NPAS3: variants seen among roughly 807,000 people sequenced by gnomAD.
NPAS3 encodes neuronal PAS domain-containing protein 3.
NPAS3 carries 14 observed loss-of-function variants against 73.1 expected under a neutral mutation model. The observed-to-expected ratio is 0.19, with a 90% confidence interval of 0.13 to 0.30. NPAS3 has a LOEUF of 0.30. Among genes scored for constraint, NPAS3 ranks in the 10% least tolerant of loss-of-function variants. NPAS3 has a pLI of 1.00. For synonymous variants in NPAS3, 620 were observed against 541.5 expected (o/e 1.14, Z -2.01); for missense variants, 1,096 against 1,250.0 (o/e 0.88, Z 1.86).
intron 3 of NPAS3, among the ~76,000 whole-genome samples, chr14:33,280,453 G>A (rs2041550996): frequency 1.3e-5 from 2 of 152,176 alleles, no homozygotes; most frequent in South Asian, 2.1e-4. Flanking sequence ...CAGATGATGA[G>A]CCTCGGAAGA....
intron 3 of NPAS3, among the ~76,000 whole-genome samples, chr14:33,295,584 G>A (rs1241635952): frequency 6.6e-6 from 1 of 152,190 alleles, no homozygotes; most frequent in Non-Finnish European, 1.5e-5. Flanking sequence ...AATAAGTGTA[G>A]GCTCACTTGC....
chr14:33,463,787 C>T lies in NPAS3; in HGVS notation c.469-96334C>T, dbSNP rs544230542. On this transcript the variant is annotated intron_variant, in intron 4 of 11. Coordinates refer to ENST00000356141, the Ensembl canonical transcript of NPAS3. Reference sequence around the variant, plus strand: ...AGTGGAATAATTGATATTTCAGTCTCTCAAGGAGTTAAATTGTGTTGCACT... The same window carrying T: ...AGTGGAATAATTGATATTTCAGTCTTTCAAGGAGTTAAATTGTGTTGCACT... Among the ~76,000 whole-genome samples, 4 of 152,300 alleles carry T rather than the reference C, an allele frequency of 2.6e-5. No homozygotes were observed. In the Middle Eastern group the frequency reaches 0.01, roughly 389 times the overall value.
chr14:33,800,226 C>T lies in NPAS3; in HGVS notation c.1919C>T (p.Pro640Leu), dbSNP rs377100713. ...GAGCCCCCGCGGCTGCTGTCCTCCC[C>T]CAACAGTGCCTCGGTGCTCAAGATC... Residue 640 changes from proline (P) to leucine (L), a missense_variant, in exon 12 of 12, where the codon CCC becomes CTC. Physicochemically the swap from Pro to Leu is moderately conservative, Grantham distance 98. This residue lies in a region of NPAS3 where 698 missense variants were observed against 676.7 expected (regional missense o/e 1.03). Transcript: ENST00000356141. This position sits in a 1 kb window ranked among gnomAD's most constrained non-coding sequence, Gnocchi z 6.5. 8 of 1,612,924 alleles carry T rather than the reference C, an allele frequency of 5.0e-6. No individual in the cohort carries two copies. Among genetic ancestry groups the T allele is most frequent in the Non-Finnish European group, 6.8e-6 (8 of 1,179,642 alleles).
intron 7 of NPAS3, among the ~76,000 whole-genome samples, chr14:33,770,576 GA>G (rs1439716473): frequency 7.9e-5 from 12 of 152,136 alleles, no homozygotes; most frequent in Admixed American, 7.9e-4. Flanking sequence ...ATGTGTCTTA[GA>G]AACTAAAGAA....
At chr14:33,489,890 C>G (rs1306078213) in intron 4 of NPAS3, among the ~76,000 whole-genome samples, 1 of 152,110 alleles carries the variant, frequency 6.6e-6, no homozygotes. Flanking sequence ...CATTGTTGAT[C>G]TGCTTTTTAT....
At chr14:33,265,417 C>T (rs756413594) in intron 3 of NPAS3, among the ~76,000 whole-genome samples, 3 of 152,066 alleles carry the variant, frequency 2.0e-5, no homozygotes, top group Non-Finnish European at 4.4e-5. Flanking sequence ...ATTTTTTCTC[C>T]CTATGGATTT....
At chr14:33,018,811 T>C (rs922205814) in intron 1 of NPAS3, among the ~76,000 whole-genome samples, 2 of 152,160 alleles carry the variant, frequency 1.3e-5, no homozygotes, top group African/African-American at 4.8e-5. Flanking sequence ...CTTCCCTTAT[T>C]GAAGGGAAAT....
chr14:33,667,783 G>A (rs76929150), intron 5 of NPAS3, among the ~76,000 whole-genome samples: 12,794 of 152,174 alleles, frequency 0.084, 594 homozygotes, highest in East Asian at 0.2. Flanking sequence ...TAATCATGGC[G>A]TGAAGAATTT....
intron 2 of NPAS3, among the ~76,000 whole-genome samples, chr14:33,079,903 G>A (rs531308742): frequency 4.6e-4 from 70 of 152,034 alleles, no homozygotes; most frequent in African/African-American, 1.4e-3. Flanking sequence ...ATGAGCTATC[G>A]CGCCCAGTTG....
intron 3 of NPAS3, among the ~76,000 whole-genome samples, chr14:33,359,917 AAAG>A (rs772167197): frequency 2.6e-5 from 4 of 152,218 alleles, no homozygotes; most frequent in South Asian, 4.1e-4. Flanking sequence ...GTGTTCACTG[AAAG>A]AAGAAGAATT....
chr14:33,384,233 C>T (rs567279884), intron 4 of NPAS3, among the ~76,000 whole-genome samples: 11 of 152,022 alleles, frequency 7.2e-5, no homozygotes, highest in African/African-American at 1.7e-4. Flanking sequence ...AGGCAACAAC[C>T]TTAGGATATA....
rs143195932 is a variant in NPAS3, at chr14:33,572,399, T to C, written c.558+12189T>C. On this transcript the variant is annotated intron_variant, in intron 5 of 11. Coordinates refer to ENST00000356141, the Ensembl canonical transcript of NPAS3. The stretch of plus-strand genomic sequence containing the variant: ...AACAAGTGCCCTAACTAACATTTAT[T>C]AAGCTATTACTCTGTGCCAGGCACT... 8.2e-3 allele frequency among the ~76,000 whole-genome samples: 1,242 copies of C among 152,330 alleles called. 15 individuals carry two copies. Among genetic ancestry groups the C allele is most frequent in the Middle Eastern group, 0.014 (4 of 294 alleles).
rs550747845 is a variant in NPAS3 at position 33,662,869 on chromosome 14, CTTTTTT to C, written c.559-13322_559-13317del. Reference sequence around the variant, plus strand: ...TTGGGGCTGAGACAATGGGGTTTTCCTTTTTTTTTTTTTTTTTTTTTTTTTCTGTTG... The same window carrying C: ...TTGGGGCTGAGACAATGGGGTTTTCCTTTTTTTTTTTTTTTTTTTCTGTTG... On this transcript the variant is annotated intron_variant, in intron 5 of 11. Coordinates refer to ENST00000356141, the Ensembl canonical transcript of NPAS3. 1.0e-3 allele frequency among the ~76,000 whole-genome samples: 94 copies of C among 89,892 alleles called. 1 individual carries two copies. Among genetic ancestry groups the C allele is most frequent in the African/African-American group, 4.0e-3 (83 of 20,812 alleles). The allele number at this position is 89,892 out of a possible 152,430, so 59.0% of individuals were successfully genotyped here. A position where few individuals can be genotyped will look rare whatever the true frequency, so the allele number is the denominator to read the frequency against.
intron 9 of NPAS3, among the ~76,000 whole-genome samples, chr14:33,793,407 A>G (rs973667772): frequency 4.6e-5 from 7 of 152,232 alleles, no homozygotes; most frequent in African/African-American, 1.4e-4. Flanking sequence ...AGGAACAGAC[A>G]TATAAGGACG....
At chr14:33,604,736 T>A (rs535504461) in intron 5 of NPAS3, among the ~76,000 whole-genome samples, 1 of 152,204 alleles carries the variant, frequency 6.6e-6, no homozygotes, top group Non-Finnish European at 1.5e-5. Flanking sequence ...TTTTAAAAGG[T>A]TTAAGTCATA....
chr14:33,034,856 C>T (rs2040110526), intron 1 of NPAS3, among the ~76,000 whole-genome samples: 1 of 152,104 alleles, frequency 6.6e-6, no homozygotes, highest in South Asian at 2.1e-4. Flanking sequence ...AATGATAGCC[C>T]ACCTTGGGAC....
chr14:33,623,703 T>A (rs530795032), intron 5 of NPAS3, among the ~76,000 whole-genome samples: 1 of 152,172 alleles, frequency 6.6e-6, no homozygotes, highest in South Asian at 2.1e-4. Context: ...CAAGGCCTCC[T>A]CCCCACACAC....
At chr14:33,250,800 TAC>T (rs1323818288) in intron 3 of NPAS3, among the ~76,000 whole-genome samples, 12 of 152,108 alleles carry the variant, frequency 7.9e-5, no homozygotes, top group African/African-American at 2.9e-4. Context: ...TGAGACCAAC[TAC>T]TTGAGTAGGG....
intron 3 of NPAS3, among the ~76,000 whole-genome samples, chr14:33,343,447 TC>T (rs1312617227): frequency 6.6e-6 from 1 of 152,214 alleles, no homozygotes; most frequent in Admixed American, 6.5e-5. Context: ...TTAATCTTTT[TC>T]CCCTGTATGA....
Sources: gnomAD v4.1 joint callset for allele counts (sites outside exome capture counted in the v4.1 genomes callset) on GRCh38, gnomAD v4.1.1 for gene constraint, gnomAD v4.1.1 regional missense constraint, Gnocchi (gnomAD v3.1) non-coding constraint, MANE v1.5 for transcripts, NCBI Gene and HGNC (gene_info 2026-07-23, HGNC 2026-07-21) for gene names.